The following SGCG variants were observed in gnomAD, a reference collection of about 807,000 sequenced individuals.
SGCG encodes sarcoglycan gamma.
A neutral mutation model predicts 29.3 loss-of-function variants in SGCG; 26 were observed. The observed-to-expected ratio is 0.89, with a 90% confidence interval of 0.65 to 1.23. The LOEUF (loss-of-function observed/expected upper bound fraction) is 1.23. Among genes scored for constraint, SGCG ranks in the 50% most tolerant of loss-of-function variants. SGCG has a pLI of 0.00. For synonymous variants in SGCG, 145 were observed against 129.7 expected (o/e 1.12, Z -0.80); for missense variants, 353 against 356.0 (o/e 0.99, Z 0.07).
At chr13:23,257,950 C>A (rs997209168) in intron 4 of SGCG, among the ~76,000 whole-genome samples, 3 of 152,074 alleles carry the variant, frequency 2.0e-5, no homozygotes, top group African/African-American at 4.8e-5. Flanking sequence ...GTTACTGTAG[C>A]CTTGTAGTAT....
At chr13:23,296,427 G>A (rs775698653) in intron 6 of SGCG, among the ~76,000 whole-genome samples, 1 of 152,170 alleles carries the variant, frequency 6.6e-6, no homozygotes, top group Non-Finnish European at 1.5e-5. Context: ...GTAGTAACAT[G>A]CACATAACAT....
At chr13:23,269,355 T>C (rs569756033) in intron 4 of SGCG, among the ~76,000 whole-genome samples, 2 of 152,312 alleles carry the variant, frequency 1.3e-5, no homozygotes, top group African/African-American at 4.8e-5. Context: ...TTGGAGGGTG[T>C]GTGCTGCAGT....
chr13:23,260,065 T>A (rs1188147645), intron 4 of SGCG, among the ~76,000 whole-genome samples: 1 of 152,184 alleles, frequency 6.6e-6, no homozygotes, highest in Non-Finnish European at 1.5e-5. Flanking sequence ...TAGGTCAGGT[T>A]GCTACAGAGC....
intron 3 of SGCG, among the ~76,000 whole-genome samples, chr13:23,235,626 A>G (rs1226681152): frequency 6.6e-6 from 1 of 152,240 alleles, no homozygotes; most frequent in Non-Finnish European, 1.5e-5. Context: ...TACTTAAGTG[A>G]TGCTATGAGC....
At chr13:23,185,134 G>C (rs1248813335) in intron 1 of SGCG, among the ~76,000 whole-genome samples, 1 of 152,100 alleles carries the variant, frequency 6.6e-6, no homozygotes, top group African/African-American at 2.4e-5. Context: ...GCCTTCCCTG[G>C]TTCTGTTTGT....
intron 3 of SGCG, 32 bp from the exon 4 acceptor site, chr13:23,250,598 C>G (rs1879921867): frequency 1.7e-6 from 2 of 1,156,912 alleles, no homozygotes; most frequent in Non-Finnish European, 2.6e-6. Flanking sequence ...TAAACAGCAC[C>G]TATTTTGCAA....
At chr13:23,242,744 G>C (rs555184196) in intron 3 of SGCG, among the ~76,000 whole-genome samples, 17 of 152,212 alleles carry the variant, frequency 1.1e-4, no homozygotes, top group African/African-American at 3.9e-4. Context: ...ACAATACTGT[G>C]AATGTACCTA....
At chr13:23,227,435 T>G (rs1253855041) in intron 2 of SGCG, among the ~76,000 whole-genome samples, 2 of 152,058 alleles carry the variant, frequency 1.3e-5, no homozygotes, top group African/African-American at 4.8e-5. Context: ...GAAAACAACA[T>G]TTTGACAGTT....
At position 23,324,958 on chromosome 13, in the gene SGCG, C is replaced by G. The variant is rs754059266; in HGVS notation, c.*417C>G. 1.5e-5 allele frequency: 4 copies of G among 260,232 alleles called. No homozygotes were observed. The South Asian group carries it at 1.9e-4, about 12-fold the overall frequency. The allele number at this position is 260,232 out of a possible 1,614,324, so 16.1% of individuals were successfully genotyped here. On this transcript the variant is annotated 3_prime_UTR_variant, in exon 8 of 8. Coordinates refer to ENST00000218867, the MANE Select transcript of SGCG (RefSeq NM_000231.3). The stretch of plus-strand genomic sequence containing the variant: ...CTCAGTACTAAAATGCCCCAAAGTT[C>G]TATACAGCATTTCCTTTATAGCATT...
At chr13:23,323,151 T>G (rs766953196) in intron 7 of SGCG, among the ~76,000 whole-genome samples, 1 of 152,114 alleles carries the variant, frequency 6.6e-6, no homozygotes, top group Non-Finnish European at 1.5e-5. Flanking sequence ...GGAACACAGG[T>G]CTTCAGGGGA....
intron 2 of SGCG, among the ~76,000 whole-genome samples, chr13:23,230,034 T>TAA (rs1879047543): frequency 6.6e-6 from 1 of 152,224 alleles, no homozygotes; most frequent in Non-Finnish European, 1.5e-5. Flanking sequence ...ATTTATTGAA[T>TAA]AGGCAGTTAT....
the SGCG span, among the ~76,000 whole-genome samples, chr13:23,165,753 C>T: frequency 1.3e-5 from 2 of 152,098 alleles, no homozygotes; most frequent in African/African-American, 4.8e-5. Flanking sequence ...TCTCGAACTC[C>T]TGACCTCAGG....
intron 6 of SGCG, among the ~76,000 whole-genome samples, chr13:23,307,185 C>T (rs1377340572): frequency 6.6e-6 from 1 of 152,148 alleles, no homozygotes; most frequent in Admixed American, 6.6e-5. Flanking sequence ...TTATAGTTCA[C>T]TGACTTCTGC....
At chr13:23,310,031 C>G (rs1306925608) in intron 6 of SGCG, among the ~76,000 whole-genome samples, 1 of 146,502 alleles carries the variant, frequency 6.8e-6, no homozygotes, top group African/African-American at 2.5e-5. Flanking sequence ...TTGCAAATTA[C>G]ATTGTTAACA....
intron 7 of SGCG, 24 bp from the exon 8 acceptor site, chr13:23,324,344 C>A (rs776431765): frequency 6.2e-7 from 1 of 1,613,174 alleles, no homozygotes; most frequent in South Asian, 1.1e-5. Context: ...CTTAACTCTT[C>A]GTCTCTCATC....
At position 23,257,679 on chromosome 13, in the gene SGCG, G is replaced by A. The variant is rs552287751; in HGVS notation, c.385+6962G>A. Among the ~76,000 whole-genome samples, 146 of 152,134 alleles carry A rather than the reference G, an allele frequency of 9.6e-4. 2 individuals carry two copies. The South Asian group carries it at 0.028, about 29-fold the overall frequency. ...TTCTTCTAGGGTTTTTATGGTTTTA[G>A]GTCTAACATTTAAGTCTTTAACCCA... On this transcript the variant is annotated intron_variant, in intron 4 of 7. Transcript: ENST00000218867.
At chr13:23,179,742 G>C (rs879351625), upstream of SGCG, among the ~76,000 whole-genome samples, 1 of 152,034 alleles carries the variant, frequency 6.6e-6, no homozygotes, top group Non-Finnish European at 1.5e-5. Context: ...TGCAGCTGCT[G>C]GTATGATAGA....
intron 5 of SGCG, among the ~76,000 whole-genome samples, chr13:23,284,307 T>C (rs1009202818): frequency 1.3e-5 from 2 of 152,192 alleles, no homozygotes; most frequent in African/African-American, 4.8e-5. Flanking sequence ...TTCATTCCTT[T>C]TCATTCTTTT....
At chr13:23,319,158 C>T (rs1882938403) in intron 6 of SGCG, among the ~76,000 whole-genome samples, 1 of 152,090 alleles carries the variant, frequency 6.6e-6, no homozygotes, top group Non-Finnish European at 1.5e-5. Flanking sequence ...ATTAGCTGGA[C>T]ACGGTGGCGG....
Sources: allele counts gnomAD v4.1 joint callset (sites outside exome capture counted in the v4.1 genomes callset), GRCh38; gene constraint gnomAD v4.1.1; transcripts MANE v1.5; gene names NCBI Gene and HGNC (gene_info 2026-07-23, HGNC 2026-07-21).